Variants in TENM4 observed in about 807,000 individuals in gnomAD.
The protein encoded by TENM4 is teneurin transmembrane protein 4.
In TENM4, 82 loss-of-function variants were observed where a neutral mutation model predicts 243.3. The observed-to-expected ratio is 0.34, with a 90% CI of 0.28 to 0.40. The LOEUF is 0.40. Among genes scored for constraint, TENM4 ranks in the 10% least tolerant of loss-of-function variants. The pLI is 1.00. For missense variants in TENM4, 3,138 were observed against 3,673.3 expected, an observed-to-expected ratio of 0.85 and a Z score of 3.77; for synonymous variants, 1,412 against 1,456.3, an observed-to-expected ratio of 0.97 and a Z score of 0.69.
chr11:78,760,212 A>G (rs1450668781), intron 18 of TENM4, among the ~76,000 whole-genome samples: 1 of 152,166 alleles, frequency 6.6e-6, no homozygotes, highest in Non-Finnish European at 1.5e-5. Flanking sequence ...TAAATGACTG[A>G]CCCAGGTCAG....
chr11:78,771,189 A>G lies in TENM4; in HGVS notation c.2393-51T>C, dbSNP rs796284221. The stretch of plus-strand genomic sequence containing the variant: ...GTCTGATCACCCAGAGTCAACTGCC[A>G]TCACACACACTAACACGCTACCTGC... On this transcript the variant is annotated intron_variant, in intron 17 of 33. Transcript: ENST00000278550. 25 of 1,548,220 alleles carry G rather than the reference A, an allele frequency of 1.6e-5. No individual in the cohort carries two copies. In the African/African-American group the frequency reaches 3.1e-4, roughly 19 times the overall value.
chr11:79,312,460 T>C (rs1856738061), intron 1 of TENM4, among the ~76,000 whole-genome samples: 1 of 152,220 alleles, frequency 6.6e-6, no homozygotes, highest in Non-Finnish European at 1.5e-5. Flanking sequence ...ATATTTAAGG[T>C]GCACAGCCTC....
At chr11:78,773,667 G>A (rs1301642032) in intron 17 of TENM4, among the ~76,000 whole-genome samples, 1 of 152,174 alleles carries the variant, frequency 6.6e-6, no homozygotes, top group Non-Finnish European at 1.5e-5. Context: ...TAGCTTGAAA[G>A]CAGCCATACA....
At chr11:79,429,443 A>G (rs867497507) in intron 1 of TENM4, among the ~76,000 whole-genome samples, 3 of 152,306 alleles carry the variant, frequency 2.0e-5, no homozygotes, top group South Asian at 2.1e-4. Context: ...TGGGGAAAAG[A>G]GCAATGCCAG....
chr11:79,328,241 T>C (rs895401218), intron 1 of TENM4, among the ~76,000 whole-genome samples: 2 of 152,196 alleles, frequency 1.3e-5, no homozygotes, highest in East Asian at 3.9e-4. Flanking sequence ...ATTCAACTAA[T>C]GAGGATGCTA....
At chr11:78,715,808 C>G (rs1446435895) in intron 25 of TENM4, among the ~76,000 whole-genome samples, 2 of 152,198 alleles carry the variant, frequency 1.3e-5, no homozygotes, top group African/African-American at 2.4e-5. Context: ...GTTTGCAGAG[C>G]TCTCTGAACA....
chr11:78,702,525 C>T, intron 27 of TENM4, 122 bp from the exon 28 acceptor site: 1 of 1,177,492 alleles, frequency 8.5e-7, no homozygotes, highest in Non-Finnish European at 1.2e-6. Context: ...GCTTGATCCT[C>T]ATGCAGCCTA....
At chr11:79,381,456 A>G (rs1187030080) in intron 1 of TENM4, among the ~76,000 whole-genome samples, 2 of 151,886 alleles carry the variant, frequency 1.3e-5, no homozygotes, top group Non-Finnish European at 2.9e-5. Context: ...GCTAACACAC[A>G]GGACCTAGCC....
At chr11:79,201,937 G>A (rs11237759) in intron 3 of TENM4, among the ~76,000 whole-genome samples, 1,825 of 152,302 alleles carry the variant, frequency 0.012, 37 homozygotes, top group African/African-American at 0.042. Flanking sequence ...AATGAATGGA[G>A]GGAACTTGAT....
At chr11:79,250,253 C>T (rs1011739742) in intron 2 of TENM4, among the ~76,000 whole-genome samples, 1 of 152,236 alleles carries the variant, frequency 6.6e-6, no homozygotes, top group East Asian at 1.9e-4. Context: ...TCCCAAAGTG[C>T]TGGGATTACA....
chr11:79,277,361 A>G (rs774394894), intron 2 of TENM4, among the ~76,000 whole-genome samples: 10 of 152,218 alleles, frequency 6.6e-5, no homozygotes, highest in Non-Finnish European at 1.3e-4. Flanking sequence ...TTTTGTGTAC[A>G]TGATTTCATT....
At chr11:79,034,204 G>C (rs1398533920) in intron 6 of TENM4, among the ~76,000 whole-genome samples, 2 of 152,158 alleles carry the variant, frequency 1.3e-5, no homozygotes, top group Non-Finnish European at 2.9e-5. Context: ...ACTTATGAAG[G>C]CTCAATTTCA....
rs756407359 is a variant in TENM4, at chr11:78,661,620, C to T, written c.7409-29G>A. 1.9e-6 allele frequency: 3 copies of T among 1,609,086 alleles called. No homozygotes were observed. In the South Asian group the frequency reaches 3.4e-5, roughly 18 times the overall value. On this transcript the variant is annotated intron_variant, in intron 32 of 33. Transcript: ENST00000278550. ...GATGGGAGGGAAGCAGAAACATCTC[C>T]ATGGAGTGAGTGGACCTCATTTGCA...
intron 2 of TENM4, among the ~76,000 whole-genome samples, chr11:79,219,015 G>T (rs932849500): frequency 6.6e-6 from 1 of 152,300 alleles, no homozygotes; most frequent in East Asian, 1.9e-4. Context: ...ACATAGCCAC[G>T]GAGAACTATA....
At chr11:78,709,612 G>A (rs956228422) in intron 26 of TENM4, among the ~76,000 whole-genome samples, 2 of 152,186 alleles carry the variant, frequency 1.3e-5, no homozygotes, top group African/African-American at 4.8e-5. Context: ...TTGCTAAACT[G>A]CACCCCCCAG....
chr11:78,822,792 A>G (rs898259115), intron 12 of TENM4, among the ~76,000 whole-genome samples: 1 of 152,198 alleles, frequency 6.6e-6, no homozygotes, highest in Non-Finnish European at 1.5e-5. Flanking sequence ...GCTGATTTAC[A>G]TTTTATTACT....
At chr11:79,345,390 C>A (rs1857309536) in intron 1 of TENM4, among the ~76,000 whole-genome samples, 1 of 152,144 alleles carries the variant, frequency 6.6e-6, no homozygotes, top group Non-Finnish European at 1.5e-5. Context: ...TTCCATGCTA[C>A]TAGTGTCATT....
Position 78,655,304 on chromosome 11 carries a change from G to A in TENM4, c.*2754C>T, listed in dbSNP as rs1280776424. 3 of 152,068 alleles carry A rather than the reference G, an allele frequency of 2.0e-5. No individual in the cohort carries two copies. Among genetic ancestry groups the A allele is most frequent in the East Asian group, 3.9e-4 (2 of 5,186 alleles). The allele number at this position is 152,068 out of a possible 1,614,324, so 9.4% of individuals were successfully genotyped here. A position where few individuals can be genotyped will look rare whatever the true frequency, so the allele number is the denominator to read the frequency against. On this transcript the variant is annotated 3_prime_UTR_variant, in exon 34 of 34. Transcript: ENST00000278550. ...GCTGAGATCCTTTTTCTAAAGCTTCGGGATCCTTCAACTTCTCTCCCCACA... is the reference window on the plus strand; with the variant it reads ...GCTGAGATCCTTTTTCTAAAGCTTCAGGATCCTTCAACTTCTCTCCCCACA...
At chr11:79,241,865 AAGG>A (rs532648527) in intron 2 of TENM4, among the ~76,000 whole-genome samples, 5 of 152,266 alleles carry the variant, frequency 3.3e-5, no homozygotes, top group African/African-American at 1.2e-4. Flanking sequence ...AAAAACTAGC[AAGG>A]GGGCGGCAGG....
Sources: gnomAD v4.1 joint callset for allele counts (sites outside exome capture counted in the v4.1 genomes callset) on GRCh38, gnomAD v4.1.1 for gene constraint, MANE v1.5 for transcripts, NCBI Gene and HGNC (gene_info 2026-07-23, HGNC 2026-07-21) for gene names.